The following CCDC30 variants were observed in gnomAD, a reference collection of about 807,000 sequenced individuals.
CCDC30 encodes the protein coiled-coil domain-containing protein 30.
In CCDC30, 70 loss-of-function variants were observed where a neutral mutation model predicts 100.2. That is an observed-to-expected ratio of 0.70 (90% CI 0.58 to 0.85). CCDC30 has a LOEUF of 0.85. Ranked by LOEUF, CCDC30 falls within the 40% of genes least tolerant of loss-of-function variation. The pLI is 0.00. For synonymous variants in CCDC30, 233 were observed against 269.5 expected (o/e 0.86, Z 1.33); for missense variants, 652 against 771.2 (o/e 0.85, Z 1.83).
chr1:42,457,975 A>G, the CCDC30 span, among the ~76,000 whole-genome samples: 19 of 149,764 alleles, frequency 1.3e-4, no homozygotes, highest in African/African-American at 3.4e-4. Flanking sequence ...AAAAAACACC[A>G]AAAATCAAAA....
intron 6 of CCDC30, among the ~76,000 whole-genome samples, chr1:42,563,490 G>A (rs959285465): frequency 1.2e-4 from 18 of 152,206 alleles, no homozygotes; most frequent in African/African-American, 3.4e-4. Flanking sequence ...CTTAGAGGAT[G>A]GGTCAATACG....
chr1:42,482,444 T>C (rs1643975128), intron 2 of CCDC30, among the ~76,000 whole-genome samples: 1 of 152,056 alleles, frequency 6.6e-6, no homozygotes, highest in Admixed American at 6.6e-5. Context: ...CAAATATTTA[T>C]AAGTAAAAGC....
intron 6 of CCDC30, among the ~76,000 whole-genome samples, chr1:42,503,033 C>T (rs879472589): frequency 2.0e-5 from 3 of 152,140 alleles, no homozygotes; most frequent in Admixed American, 2.0e-4. Flanking sequence ...TAAATGCGCA[C>T]CACCACACTC....
Position 42,632,787 on chromosome 1 carries a change from G to A in CCDC30, c.1278-4450G>A, listed in dbSNP as rs183937938. Among the ~76,000 whole-genome samples the A allele has an allele frequency of 1.6e-4, 24 of 151,410 alleles. No individual in the cohort carries two copies. The East Asian group carries it at 3.9e-3, about 25-fold the overall frequency. On this transcript the variant is annotated intron_variant, in intron 11 of 16. Coordinates refer to ENST00000668663, the Ensembl canonical transcript of CCDC30. Reference sequence around the variant, plus strand: ...AAAAAAAAAAAAGTAAATAAATAACGTAAGCTATACATTGATTGGCAATAC... The same window carrying A: ...AAAAAAAAAAAAGTAAATAAATAACATAAGCTATACATTGATTGGCAATAC...
intron 7 of CCDC30, among the ~76,000 whole-genome samples, chr1:42,576,764 A>G (rs1645846349): frequency 6.6e-6 from 1 of 152,220 alleles, no homozygotes; most frequent in Non-Finnish European, 1.5e-5. Context: ...GATGAAAGCC[A>G]GTTTGGACTA....
chr1:42,491,447 G>C (rs1644139503), intron 4 of CCDC30, among the ~76,000 whole-genome samples: 1 of 151,720 alleles, frequency 6.6e-6, no homozygotes, highest in Non-Finnish European at 1.5e-5. Flanking sequence ...ATTGTTACCA[G>C]AGGATGGGAA....
At chr1:42,522,861 T>C (rs1369304240) in intron 6 of CCDC30, among the ~76,000 whole-genome samples, 2 of 152,172 alleles carry the variant, frequency 1.3e-5, no homozygotes, top group South Asian at 2.1e-4. Flanking sequence ...TTACAAACCA[T>C]TGTTACAATA....
chr1:42,560,469 A>G (rs1173186839), intron 6 of CCDC30, among the ~76,000 whole-genome samples: 1 of 152,178 alleles, frequency 6.6e-6, no homozygotes, highest in African/African-American at 2.4e-5. Context: ...TCCTGGGTTC[A>G]AGTGATTCTC....
chr1:42,568,060 A>G (rs1445360839), intron 7 of CCDC30, among the ~76,000 whole-genome samples: 2 of 152,100 alleles, frequency 1.3e-5, no homozygotes, highest in African/African-American at 2.4e-5. Context: ...CCAGGCACCT[A>G]TGAAAGTTAT....
chr1:42,480,995 C>T (rs755964532), intron 2 of CCDC30, among the ~76,000 whole-genome samples: 50 of 151,498 alleles, frequency 3.3e-4, no homozygotes, highest in Non-Finnish European at 5.7e-4. Flanking sequence ...GGTGTAGTTC[C>T]AGTTACAGGG....
intron 6 of CCDC30, among the ~76,000 whole-genome samples, chr1:42,558,953 A>G (rs1286814464): frequency 1.3e-5 from 2 of 152,232 alleles, no homozygotes; most frequent in Non-Finnish European, 2.9e-5. Context: ...TCTCAGCAGA[A>G]ACTCTACAAG....
At chr1:42,538,634 CCA>C (rs2148523905) in intron 6 of CCDC30, among the ~76,000 whole-genome samples, 1 of 152,176 alleles carries the variant, frequency 6.6e-6, no homozygotes, top group African/African-American at 2.4e-5. Flanking sequence ...TTTTAAAAAA[CCA>C]CAGAGTTTAA....
chr1:42,652,104 G>GTA (rs577969200), intron 15 of CCDC30, among the ~76,000 whole-genome samples: 65 of 152,090 alleles, frequency 4.3e-4, no homozygotes, highest in East Asian at 9.7e-4. Flanking sequence ...TGAAAATGTG[G>GTA]TATATATATA....
chr1:42,549,882 T>A (rs912556027), intron 6 of CCDC30, among the ~76,000 whole-genome samples: 1 of 152,212 alleles, frequency 6.6e-6, no homozygotes, highest in Non-Finnish European at 1.5e-5. Context: ...TTGACCTTAA[T>A]GAGCTTTGTT....
chr1:42,514,131 T>G (rs1449549915), intron 6 of CCDC30, among the ~76,000 whole-genome samples: 1 of 152,226 alleles, frequency 6.6e-6, no homozygotes, highest in Non-Finnish European at 1.5e-5. Flanking sequence ...CATCACATTT[T>G]GTTTATTTAT....
At chr1:42,589,690 A>G in intron 10 of CCDC30, 1 of 403,750 alleles carries the variant, frequency 2.5e-6, no homozygotes, top group Non-Finnish European at 4.4e-6. Context: ...ACCAGGGGAG[A>G]GTAGAGTCAG....
chr1:42,610,352 C>G (rs1433186627), intron 10 of CCDC30, among the ~76,000 whole-genome samples: 1 of 152,194 alleles, frequency 6.6e-6, no homozygotes, highest in Non-Finnish European at 1.5e-5. Context: ...AATATTTTAT[C>G]AGAGTTAATT....
chr1:42,547,617 C>T (rs1645170364), intron 6 of CCDC30, among the ~76,000 whole-genome samples: 1 of 152,142 alleles, frequency 6.6e-6, no homozygotes, highest in Non-Finnish European at 1.5e-5. Flanking sequence ...CCACCTGTTT[C>T]CAGGACTTGG....
intron 6 of CCDC30, among the ~76,000 whole-genome samples, chr1:42,563,981 T>C (rs1645553476): frequency 6.6e-6 from 1 of 152,180 alleles, no homozygotes; most frequent in Non-Finnish European, 1.5e-5. Flanking sequence ...TGTGTTTAGA[T>C]TGCCTTTCTA....
Sources: gnomAD v4.1 joint callset for allele counts (sites outside exome capture counted in the v4.1 genomes callset) on GRCh38, gnomAD v4.1.1 for gene constraint, MANE v1.5 for transcripts, NCBI Gene and HGNC (gene_info 2026-07-23, HGNC 2026-07-21) for gene names.